Variants in CNTNAP2 observed in about 807,000 individuals in gnomAD.
The protein encoded by CNTNAP2 is contactin-associated protein-like 2.
In CNTNAP2, 98 loss-of-function variants were observed where a neutral mutation model predicts 155.2. The ratio of observed to expected loss-of-function variants is 0.63; its 90% CI spans 0.54 to 0.75. The LOEUF (loss-of-function observed/expected upper bound fraction) is 0.75, where lower values mean the gene tolerates loss of function less well. CNTNAP2 is among the 30% of genes least tolerant of loss of function. CNTNAP2 has a pLI of 0.00. For synonymous variants in CNTNAP2, 651 were observed against 631.2 expected (o/e 1.03, Z -0.47); for missense variants, 1,727 against 1,688.1 (o/e 1.02, Z -0.40).
intron 3 of CNTNAP2, among the ~76,000 whole-genome samples, chr7:146,918,713 T>A (rs1331280535): frequency 6.6e-6 from 1 of 152,232 alleles, no homozygotes; most frequent in Non-Finnish European, 1.5e-5. Context: ...TTCTTGTATT[T>A]GGATGTCTAG....
At chr7:147,788,391 C>T (rs922512910) in intron 13 of CNTNAP2, among the ~76,000 whole-genome samples, 5 of 152,156 alleles carry the variant, frequency 3.3e-5, no homozygotes, top group Admixed American at 2.6e-4. Flanking sequence ...TGGGGTGTGG[C>T]TTGAATGCTT....
chr7:147,591,985 C>G (rs114736473), intron 12 of CNTNAP2, among the ~76,000 whole-genome samples: 221 of 152,282 alleles, frequency 1.5e-3, no homozygotes, highest in African/African-American at 4.9e-3. Context: ...CTATGAAAAA[C>G]ATTAGCATAC....
At chr7:146,374,605 C>T (rs1014528095) in intron 1 of CNTNAP2, among the ~76,000 whole-genome samples, 1 of 152,144 alleles carries the variant, frequency 6.6e-6, no homozygotes, top group Non-Finnish European at 1.5e-5. Flanking sequence ...TTTTAATTGA[C>T]ACTGACAATG....
At position 147,527,015 on chromosome 7, in the gene CNTNAP2, C is replaced by CTTTTTTTTTTTTTT. The variant is rs888976222; in HGVS notation, c.1778-35109_1778-35096dup. Among the ~76,000 whole-genome samples, 85 of 65,164 alleles carry CTTTTTTTTTTTTTT rather than the reference C, an allele frequency of 1.3e-3. 11 individuals carry two copies. The highest frequency in any genetic ancestry group is 6.3e-3 in the African/African-American group (81 of 12,764). 42.8% of individuals were successfully genotyped at this position (65,164 alleles called of 152,430 possible). ...CATGAATTATGGAAGACAGGCATTT[C>CTTTTTTTTTTTTTT]TTTTTTTTTTTTTTTTTTTTTTTTT... On this transcript the variant is annotated intron_variant, in intron 11 of 23. Coordinates refer to ENST00000361727, the MANE Select transcript of CNTNAP2 (RefSeq NM_014141.6).
At chr7:146,937,419 C>T (rs1796941931) in intron 3 of CNTNAP2, among the ~76,000 whole-genome samples, 1 of 151,472 alleles carries the variant, frequency 6.6e-6, no homozygotes, top group Admixed American at 6.6e-5. Context: ...AATACTTGTA[C>T]ACTTTCAAAA....
chr7:147,588,330 A>T (rs1800672426), intron 12 of CNTNAP2, among the ~76,000 whole-genome samples: 1 of 152,130 alleles, frequency 6.6e-6, no homozygotes. Flanking sequence ...AGAAAAGATG[A>T]TCAGCTAGAA....
rs541623035 is a variant in CNTNAP2 at position 148,198,293 on chromosome 7, C to T, written c.3011-18995C>T. Among the ~76,000 whole-genome samples, 22 of 152,246 alleles carry T rather than the reference C, an allele frequency of 1.4e-4. No individual in the cohort carries two copies. In the South Asian group the frequency reaches 4.6e-3, roughly 32 times the overall value. On this transcript the variant is annotated intron_variant, in intron 18 of 23. Transcript: ENST00000361727. ...TTTGTCTTTGAGGTGATAGGTTTGGCAAAGGGGCATGATCCAAGAAGTAAG... is the reference window on the plus strand; with the variant it reads ...TTTGTCTTTGAGGTGATAGGTTTGGTAAAGGGGCATGATCCAAGAAGTAAG...
Position 146,500,916 on chromosome 7 carries a change from A to G in CNTNAP2, c.98-273355A>G, listed in dbSNP as rs1367819696. 2.6e-5 allele frequency among the ~76,000 whole-genome samples: 4 copies of G among 152,152 alleles called. No individual in the cohort carries two copies. The East Asian group carries it at 7.7e-4, about 29-fold the overall frequency. ...TGCCTCTATTCTTAGTTTGTTGACTATACTTATCATGAAAGGGTGCCAGAT... is the reference window on the plus strand; with the variant it reads ...TGCCTCTATTCTTAGTTTGTTGACTGTACTTATCATGAAAGGGTGCCAGAT... On this transcript the variant is annotated intron_variant, in intron 1 of 23. Coordinates refer to ENST00000361727, the MANE Select transcript of CNTNAP2 (RefSeq NM_014141.6).
At chr7:146,510,528 A>G (rs1017592989) in intron 1 of CNTNAP2, among the ~76,000 whole-genome samples, 1 of 152,146 alleles carries the variant, frequency 6.6e-6, no homozygotes, top group Non-Finnish European at 1.5e-5. Context: ...GAAGAATGTA[A>G]TTGGTATTTT....
intron 3 of CNTNAP2, among the ~76,000 whole-genome samples, chr7:146,909,406 A>G (rs1423188449): frequency 7.4e-5 from 8 of 107,784 alleles, no homozygotes; most frequent in Non-Finnish European, 1.5e-4. Context: ...AATCCTCAAT[A>G]AAATACTGGC....
At chr7:147,246,880 C>G (rs940208714) in intron 8 of CNTNAP2, among the ~76,000 whole-genome samples, 1 of 151,968 alleles carries the variant, frequency 6.6e-6, no homozygotes, top group Admixed American at 6.6e-5. Context: ...ACTTGTATGA[C>G]AAAATAGAAA....
chr7:147,442,870 C>T (rs1480903585), intron 10 of CNTNAP2, among the ~76,000 whole-genome samples: 2 of 152,136 alleles, frequency 1.3e-5, no homozygotes, highest in Non-Finnish European at 2.9e-5. Flanking sequence ...AGAAGAGCTG[C>T]TATCCAAGAG....
intron 1 of CNTNAP2, among the ~76,000 whole-genome samples, chr7:146,511,090 G>A (rs1797458880): frequency 6.6e-6 from 1 of 152,076 alleles, no homozygotes; most frequent in South Asian, 2.1e-4. Context: ...AGTAGAGACA[G>A]GGTTTCACCA....
intron 13 of CNTNAP2, among the ~76,000 whole-genome samples, chr7:147,665,860 T>C (rs114293371): frequency 0.012 from 1,859 of 152,282 alleles, 36 homozygotes; most frequent in African/African-American, 0.043. Context: ...TTTTCCTTAG[T>C]CAGTCTATTA....
At chr7:147,241,618 ACT>A (rs1410393355) in intron 8 of CNTNAP2, among the ~76,000 whole-genome samples, 2 of 143,494 alleles carry the variant, frequency 1.4e-5, no homozygotes, top group Non-Finnish European at 3.0e-5. Flanking sequence ...ACAGAGCAAG[ACT>A]CCGTCTCAAA....
At chr7:147,477,211 A>G (rs1240687331) in intron 10 of CNTNAP2, among the ~76,000 whole-genome samples, 1 of 152,156 alleles carries the variant, frequency 6.6e-6, no homozygotes, top group Non-Finnish European at 1.5e-5. Flanking sequence ...GAGAAAACAA[A>G]TTATGAATTT....
intron 1 of CNTNAP2, among the ~76,000 whole-genome samples, chr7:146,513,308 T>G (rs965728231): frequency 2.6e-5 from 4 of 151,974 alleles, no homozygotes; most frequent in African/African-American, 7.2e-5. Context: ...TGTTACTTTT[T>G]ATAGGTAAGG....
At chr7:147,993,403 A>G (rs572836023) in intron 15 of CNTNAP2, among the ~76,000 whole-genome samples, 2 of 152,292 alleles carry the variant, frequency 1.3e-5, no homozygotes, top group South Asian at 2.1e-4. Context: ...TTCATTTGTT[A>G]TTATTTAAGT....
At chr7:146,760,282 T>C (rs1195281277) in intron 1 of CNTNAP2, among the ~76,000 whole-genome samples, 1 of 152,078 alleles carries the variant, frequency 6.6e-6, no homozygotes, top group Non-Finnish European at 1.5e-5. Context: ...TCATTCTTCT[T>C]CCTATTACTT....
Sources: gnomAD v4.1 joint callset for allele counts (sites outside exome capture counted in the v4.1 genomes callset) on GRCh38, gnomAD v4.1.1 for gene constraint, MANE v1.5 for transcripts, NCBI Gene and HGNC (gene_info 2026-07-23, HGNC 2026-07-21) for gene names.